Variants in XKR4 observed in about 807,000 individuals in gnomAD.
The protein encoded by XKR4 is XK-related protein 4.
In XKR4, 12 loss-of-function variants were observed where a neutral mutation model predicts 53.9. The observed-to-expected ratio is 0.22, with a 90% CI of 0.14 to 0.36. The LOEUF (loss-of-function observed/expected upper bound fraction) is 0.36. Ranked by LOEUF, XKR4 falls within the 10% of genes least tolerant of loss-of-function variation. The pLI, the probability that XKR4 is intolerant of heterozygous loss-of-function variation, is 1.00. For synonymous variants in XKR4, 354 were observed against 362.4 expected (o/e 0.98, Z 0.26); for missense variants, 799 against 859.5 (o/e 0.93, Z 0.88).
In XKR4 at chr8:55,120,368, C is replaced by T. The variant is rs182697056; in HGVS notation, c.806+17074C>T. ...AATGAACTTCTGTTTGTTTTATAGG[C>T]GGGTGAACTCCACCCTGGAAAGACC... On this transcript the variant is annotated intron_variant, in intron 1 of 2. Coordinates refer to ENST00000327381, the MANE Select transcript of XKR4 (RefSeq NM_052898.2). Among the ~76,000 whole-genome samples, 341 of 152,122 alleles carry T rather than the reference C, an allele frequency of 2.2e-3. 1 individual carries two copies. The highest frequency in any genetic ancestry group is 6.6e-3 in the African/African-American group (274 of 41,514).
At chr8:55,303,729 G>A (rs1397038926) in intron 1 of XKR4, among the ~76,000 whole-genome samples, 8 of 152,188 alleles carry the variant, frequency 5.3e-5, no homozygotes, top group African/African-American at 1.4e-4. Flanking sequence ...GTCTTGGGAG[G>A]GTGTATGTGT....
rs376013412 is a variant in XKR4 at position 55,349,527 on chromosome 8, T to C, written c.807-8151T>C. Among the ~76,000 whole-genome samples, 14 of 152,328 alleles carry C rather than the reference T, an allele frequency of 9.2e-5. No individual in the cohort carries two copies. The East Asian group carries it at 1.9e-3, about 21-fold the overall frequency. On this transcript the variant is annotated intron_variant, in intron 1 of 2. Coordinates refer to ENST00000327381, the MANE Select transcript of XKR4 (RefSeq NM_052898.2). ...AGCTAGAATATTATAGTATAAAATA[T>C]GTGGTAGGAATTTGTCAGTGATTTT...
intron 1 of XKR4, among the ~76,000 whole-genome samples, chr8:55,322,924 G>C (rs949250518): frequency 1.3e-5 from 2 of 151,960 alleles, no homozygotes; most frequent in African/African-American, 4.8e-5. Context: ...AGGACTTCCC[G>C]TATGTTGTTG....
chr8:55,462,752 TA>T (rs1301669249), intron 2 of XKR4, among the ~76,000 whole-genome samples: 6 of 152,006 alleles, frequency 3.9e-5, no homozygotes, highest in African/African-American at 1.5e-4. Flanking sequence ...GAGACACACA[TA>T]GGCTCAAAAT....
chr8:55,398,768 A>T (rs1804558912), intron 2 of XKR4, among the ~76,000 whole-genome samples: 1 of 152,250 alleles, frequency 6.6e-6, no homozygotes, highest in African/African-American at 2.4e-5. Flanking sequence ...AACTGAAGAC[A>T]TTTATATTTA....
chr8:55,205,766 C>G (rs983547887), intron 1 of XKR4, among the ~76,000 whole-genome samples: 1 of 152,156 alleles, frequency 6.6e-6, no homozygotes, highest in Non-Finnish European at 1.5e-5. Context: ...AGAAAATGTA[C>G]GTCCCATATG....
chr8:55,477,701 A>G lies in XKR4; in HGVS notation c.1007-45580A>G, dbSNP rs1175890263. 1.5e-5 allele frequency among the ~76,000 whole-genome samples: 2 copies of G among 129,252 alleles called. 1 individual carries two copies. Among genetic ancestry groups the G allele is most frequent in the African/African-American group, 7.7e-5 (2 of 26,064 alleles). The allele number at this position is 129,252 out of a possible 152,430, so 84.8% of individuals were successfully genotyped here. A position where few individuals can be genotyped will look rare whatever the true frequency, so the allele number is the denominator to read the frequency against. ...GATAACTAGGATAACCAACGCAGAGAGTCCTTAAAGGAGCTGATGGAGCTG... is the reference window on the plus strand; with the variant it reads ...GATAACTAGGATAACCAACGCAGAGGGTCCTTAAAGGAGCTGATGGAGCTG... On this transcript the variant is annotated intron_variant, in intron 2 of 2. Coordinates refer to ENST00000327381, the MANE Select transcript of XKR4 (RefSeq NM_052898.2).
rs564422487 is a variant in XKR4, at chr8:55,466,316, T to A, written c.1007-56965T>A. On this transcript the variant is annotated intron_variant, in intron 2 of 2. Transcript: ENST00000327381. ...AATACTATGCAGCCATAAAAAATGA[T>A]GAGTTCATGTCCTTTGTAGGGACAT... Among the ~76,000 whole-genome samples, 33 of 152,172 alleles carry A rather than the reference T, an allele frequency of 2.2e-4. No homozygotes were observed. In the East Asian group the frequency reaches 3.3e-3, roughly 15 times the overall value.
chr8:55,236,223 A>C (rs1044810007), intron 1 of XKR4, among the ~76,000 whole-genome samples: 1 of 152,126 alleles, frequency 6.6e-6, no homozygotes, highest in Non-Finnish European at 1.5e-5. Flanking sequence ...CAAAACAAAG[A>C]GAGGTGAGTG....
At chr8:55,495,214 T>G (rs1806324720) in intron 2 of XKR4, among the ~76,000 whole-genome samples, 1 of 151,898 alleles carries the variant, frequency 6.6e-6, no homozygotes, top group Admixed American at 6.6e-5. Flanking sequence ...GAGATTGGAG[T>G]GGGCACTGAC....
At chr8:55,332,318 C>T (rs1432753279) in intron 1 of XKR4, among the ~76,000 whole-genome samples, 2 of 152,030 alleles carry the variant, frequency 1.3e-5, no homozygotes, top group Non-Finnish European at 2.9e-5. Context: ...TTAAATCCTG[C>T]AGAAAAATAA....
intron 1 of XKR4, among the ~76,000 whole-genome samples, chr8:55,243,352 C>A (rs944075502): frequency 2.6e-5 from 4 of 152,200 alleles, no homozygotes; most frequent in African/African-American, 9.6e-5. Context: ...TCCTTCCCTC[C>A]CTTGAAAACC....
intron 1 of XKR4, among the ~76,000 whole-genome samples, chr8:55,296,854 G>A (rs1192133352): frequency 6.6e-6 from 1 of 152,104 alleles, no homozygotes; most frequent in Non-Finnish European, 1.5e-5. Context: ...ATGAATGTAG[G>A]TAGATGTTCA....
intron 2 of XKR4, among the ~76,000 whole-genome samples, chr8:55,371,697 G>A (rs757546065): frequency 2.0e-5 from 3 of 152,154 alleles, no homozygotes; most frequent in East Asian, 1.9e-4. Flanking sequence ...GATGGTTGTC[G>A]TGGAGGTAAT....
chr8:55,487,440 C>T (rs1316352639), intron 2 of XKR4, among the ~76,000 whole-genome samples: 2 of 151,460 alleles, frequency 1.3e-5, no homozygotes, highest in Non-Finnish European at 2.9e-5. Flanking sequence ...CAAAATAATG[C>T]ATTTACTGGG....
At chr8:55,205,963 T>C (rs1316246686) in intron 1 of XKR4, among the ~76,000 whole-genome samples, 1 of 152,180 alleles carries the variant, frequency 6.6e-6, no homozygotes, top group African/African-American at 2.4e-5. Context: ...TCTCGCTGAC[T>C]TCAGGAGTCA....
chr8:55,257,963 A>C (rs1254064904), intron 1 of XKR4, among the ~76,000 whole-genome samples: 3 of 152,220 alleles, frequency 2.0e-5, no homozygotes, highest in African/African-American at 7.2e-5. Context: ...ACACAAGATG[A>C]AACAGTCAGT....
At chr8:55,183,465 A>C (rs1817340391) in intron 1 of XKR4, among the ~76,000 whole-genome samples, 1 of 151,856 alleles carries the variant, frequency 6.6e-6, no homozygotes, top group East Asian at 1.9e-4. Context: ...AATATTTTAA[A>C]GTTTATTTTG....
chr8:55,429,733 GA>G (rs113639586), intron 2 of XKR4, among the ~76,000 whole-genome samples: 33 of 138,790 alleles, frequency 2.4e-4, no homozygotes, highest in Middle Eastern at 7.1e-3. Flanking sequence ...TGTCTTTCTG[GA>G]AAAAAAAAAA....
Sources: gnomAD v4.1 joint callset for allele counts (sites outside exome capture counted in the v4.1 genomes callset) on GRCh38, gnomAD v4.1.1 for gene constraint, MANE v1.5 for transcripts, NCBI Gene and HGNC (gene_info 2026-07-23, HGNC 2026-07-21) for gene names.